RXRA: variants seen among roughly 807,000 people sequenced by gnomAD.
RXRA encodes the protein retinoid X receptor alpha.
Under a neutral mutation model 44.5 loss-of-function variants are expected in RXRA, and 5 were observed. That is an observed-to-expected ratio of 0.11 (90% CI 0.06 to 0.24). The LOEUF is 0.24. Among genes scored for constraint, RXRA ranks in the 10% least tolerant of loss-of-function variants. The pLI is 1.00. For synonymous variants in RXRA, 291 were observed against 271.4 expected, an observed-to-expected ratio of 1.07 and a Z score of -0.71; for missense variants, 412 against 646.5, an observed-to-expected ratio of 0.64 and a Z score of 3.93.
intron 1 of RXRA, among the ~76,000 whole-genome samples, chr9:134,385,615 C>T (rs1001359483): frequency 1.2e-4 from 18 of 152,174 alleles, no homozygotes; most frequent in African/African-American, 3.6e-4. Flanking sequence ...GGGGATGGCA[C>T]GGTGGGGATG....
In RXRA at chr9:134,344,330, C is replaced by A. The variant is rs551153051; in HGVS notation, c.28+17671C>A. On this transcript the variant is annotated intron_variant, in intron 1 of 9. Transcript: ENST00000481739. ...CTTTGCAGCTTGGGGTCTATCTAGCCTGGTGTCTGGAGAGACTTGTGGGGT... is the reference window on the plus strand; with the variant it reads ...CTTTGCAGCTTGGGGTCTATCTAGCATGGTGTCTGGAGAGACTTGTGGGGT... 1.4e-3 allele frequency among the ~76,000 whole-genome samples: 206 copies of A among 152,330 alleles called. 1 individual carries two copies. The highest frequency in any genetic ancestry group is 4.7e-3 in the African/African-American group (197 of 41,586).
intron 1 of RXRA, among the ~76,000 whole-genome samples, chr9:134,391,551 A>G (rs529249909): frequency 2.4e-4 from 36 of 152,064 alleles, no homozygotes; most frequent in Admixed American, 2.2e-3. Flanking sequence ...CCTGCTTCCC[A>G]CTCACCCTCC....
chr9:134,398,075 G>A (rs1456552587), intron 1 of RXRA, among the ~76,000 whole-genome samples: 2 of 152,132 alleles, frequency 1.3e-5, no homozygotes, highest in East Asian at 3.9e-4. Context: ...CGCCTCCCAG[G>A]TTCAAGCGAT....
chr9:134,388,286 T>TGTGTGTGTGTGTGTGAGTGTGTGA (rs71381810), intron 1 of RXRA, among the ~76,000 whole-genome samples: 1 of 150,888 alleles, frequency 6.6e-6, no homozygotes, highest in African/African-American at 2.4e-5. Context: ...AGAAGCAGTG[T>TGTGTGTGTGTGTGTGAGTGTGTGA]GTGTGTGAGT....
chr9:134,380,522 G>C (rs938601207), intron 1 of RXRA, among the ~76,000 whole-genome samples: 1 of 152,136 alleles, frequency 6.6e-6, no homozygotes, highest in African/African-American at 2.4e-5. Context: ...CTGCAGGCTG[G>C]GAGGTAGACA....
At chr9:134,398,443 C>T (rs945331860) in intron 1 of RXRA, among the ~76,000 whole-genome samples, 3 of 152,058 alleles carry the variant, frequency 2.0e-5, no homozygotes, top group African/African-American at 7.3e-5. Context: ...ATGTCCTCTT[C>T]CTGGCCAAAA....
chr9:134,327,622 C>T (rs923011082), intron 1 of RXRA, among the ~76,000 whole-genome samples: 6 of 152,090 alleles, frequency 3.9e-5, no homozygotes, highest in African/African-American at 7.2e-5. Context: ...GAATGAAGCC[C>T]CCGCCATCCG....
intron 1 of RXRA, among the ~76,000 whole-genome samples, chr9:134,339,647 CTG>C (rs782418758): frequency 1.6e-4 from 19 of 121,706 alleles, no homozygotes; most frequent in South Asian, 2.7e-4. Flanking sequence ...GTGCGTGTGT[CTG>C]TGTGTGTGCC....
In RXRA at chr9:134,366,215, G is replaced by T. The variant is rs145058513; in HGVS notation, c.29-35417G>T. Among the ~76,000 whole-genome samples the T allele has an allele frequency of 9.4e-3, 1,432 of 152,278 alleles. 13 individuals carry two copies. The highest frequency in any genetic ancestry group is 0.029 in the African/African-American group (1,200 of 41,552). On this transcript the variant is annotated intron_variant, in intron 1 of 9. Transcript: ENST00000481739. This position sits in a 1 kb window ranked among gnomAD's most constrained non-coding sequence, Gnocchi z 5.9. ...CCGTGTGGCATGTTCTGGGCTGTGT[G>T]TGGGGCCAGGGAGGGTGTCTTCAGC...
intron 1 of RXRA, among the ~76,000 whole-genome samples, chr9:134,393,077 G>A (rs4501664): frequency 0.015 from 2,253 of 152,106 alleles, 52 homozygotes; most frequent in African/African-American, 0.048. Context: ...ATGGGGAAGC[G>A]GGAAATGACA....
At chr9:134,338,763 C>G (rs1416327323) in intron 1 of RXRA, among the ~76,000 whole-genome samples, 1 of 152,240 alleles carries the variant, frequency 6.6e-6, no homozygotes, top group South Asian at 2.1e-4. Flanking sequence ...GGGCCAGACC[C>G]CTGCACTGTG....
At chr9:134,405,813 C>G (rs928417077) in intron 2 of RXRA, 5 of 152,704 alleles carry the variant, frequency 3.3e-5, no homozygotes, top group African/African-American at 4.8e-5. Context: ...CCCGACACTT[C>G]CTGCTTGTGG....
At chr9:134,344,397 G>C (rs1249354330) in intron 1 of RXRA, among the ~76,000 whole-genome samples, 1 of 152,198 alleles carries the variant, frequency 6.6e-6, no homozygotes, top group African/African-American at 2.4e-5. Flanking sequence ...TGAGATTGGG[G>C]TCCCGCCCCT....
chr9:134,432,030 G>A lies in RXRA; in HGVS notation c.1135+34G>A, dbSNP rs200979387. The stretch of plus-strand genomic sequence containing the variant: ...TTCCTGCCTTGAGGCTTCTGGCCCC[G>A]TTCTCTGGTGGGGCAGAGGTGCCTG... On this transcript the variant is annotated intron_variant, in intron 8 of 9. Transcript: ENST00000481739. 336 of 1,549,950 alleles carry A rather than the reference G, an allele frequency of 2.2e-4. 1 individual carries two copies. In the African/African-American group the frequency reaches 3.8e-3, roughly 18 times the overall value.
chr9:134,365,369 G>A lies in RXRA; in HGVS notation c.29-36263G>A, dbSNP rs1398344306. ...GGCCTTGGGTCTCTGGTGAGCTCAG[G>A]GAGCGGGGTCCACGTTGCCTGGCCC... On this transcript the variant is annotated intron_variant, in intron 1 of 9. Coordinates refer to ENST00000481739, the MANE Select transcript of RXRA (RefSeq NM_002957.6). This position sits in a 1 kb window ranked among gnomAD's most constrained non-coding sequence, Gnocchi z 4.0. Among the ~76,000 whole-genome samples the A allele has an allele frequency of 1.3e-5, 2 of 152,246 alleles. No individual in the cohort carries two copies. Among genetic ancestry groups the A allele is most frequent in the Non-Finnish European group, 2.9e-5 (2 of 68,046 alleles).
chr9:134,406,547 C>T (rs939423157), intron 2 of RXRA, among the ~76,000 whole-genome samples: 1 of 152,218 alleles, frequency 6.6e-6, no homozygotes, highest in Non-Finnish European at 1.5e-5. Flanking sequence ...AGGGATCCGC[C>T]TCTGGGGCCT....
chr9:134,327,326 G>C (rs1834932460), intron 1 of RXRA, among the ~76,000 whole-genome samples: 1 of 152,192 alleles, frequency 6.6e-6, no homozygotes, highest in African/African-American at 2.4e-5. Context: ...GAGCAGGACA[G>C]CGCAGAGGCG....
At chr9:134,395,941 C>T (rs909422338) in intron 1 of RXRA, among the ~76,000 whole-genome samples, 3 of 152,234 alleles carry the variant, frequency 2.0e-5, no homozygotes, top group African/African-American at 7.2e-5. Flanking sequence ...AGGCCGCTAG[C>T]GGGCCATGCT....
intron 1 of RXRA, among the ~76,000 whole-genome samples, chr9:134,335,120 C>G (rs1025327429): frequency 2.0e-5 from 3 of 152,174 alleles, no homozygotes; most frequent in Non-Finnish European, 4.4e-5. Flanking sequence ...AGGCCTCCAC[C>G]TAGTGTCATG....
Sources: allele counts gnomAD v4.1 joint callset (sites outside exome capture counted in the v4.1 genomes callset), GRCh38; gene constraint gnomAD v4.1.1; non-coding constraint Gnocchi (gnomAD v3.1); transcripts MANE v1.5; gene names NCBI Gene and HGNC (gene_info 2026-07-23, HGNC 2026-07-21).